Variants in NRXN1 observed in about 807,000 individuals in gnomAD.
The protein encoded by NRXN1 is neurexin-1.
NRXN1 carries 39 observed loss-of-function variants against 150.9 expected under a neutral mutation model. The observed-to-expected ratio is 0.26, with a 90% CI of 0.20 to 0.34. The LOEUF (loss-of-function observed/expected upper bound fraction) is 0.34, where lower values mean the gene tolerates loss of function less well. Ranked by LOEUF, NRXN1 falls within the 10% of genes least tolerant of loss-of-function variation. NRXN1 has a pLI of 1.00. For missense variants in NRXN1, 1,815 were observed against 1,949.9 expected (o/e 0.93, Z 1.30); for synonymous variants, 924 against 757.0 (o/e 1.22, Z -3.62).
At chr2:50,460,376 T>C (rs1271833398) in intron 17 of NRXN1, among the ~76,000 whole-genome samples, 1 of 152,130 alleles carries the variant, frequency 6.6e-6, no homozygotes, top group Non-Finnish European at 1.5e-5. Context: ...ACTAAAAGGC[T>C]GCTGAGAGTT....
At chr2:50,952,873 G>A (rs889593053) in intron 2 of NRXN1, among the ~76,000 whole-genome samples, 1 of 152,120 alleles carries the variant, frequency 6.6e-6, no homozygotes, top group Non-Finnish European at 1.5e-5. Flanking sequence ...TTAATTAAGT[G>A]GAAAAGTTTT....
At chr2:50,368,281 G>C (rs1206695444) in intron 17 of NRXN1, among the ~76,000 whole-genome samples, 1 of 151,766 alleles carries the variant, frequency 6.6e-6, no homozygotes, top group East Asian at 1.9e-4. Flanking sequence ...CTCCTTATGA[G>C]ACTCCCAAAT....
chr2:50,503,274 C>T (rs890165597), intron 13 of NRXN1, among the ~76,000 whole-genome samples: 1 of 150,180 alleles, frequency 6.7e-6, no homozygotes, highest in African/African-American at 2.5e-5. Flanking sequence ...CTCCACTGCA[C>T]TCTAACCTGG....
chr2:50,988,943 C>G (rs1234866412), intron 2 of NRXN1, among the ~76,000 whole-genome samples: 1 of 151,898 alleles, frequency 6.6e-6, no homozygotes, highest in Non-Finnish European at 1.5e-5. Flanking sequence ...TTTATGACAA[C>G]TTCTCTCCTT....
chr2:49,933,718 G>T (rs1385613231), intron 22 of NRXN1, among the ~76,000 whole-genome samples: 1 of 152,176 alleles, frequency 6.6e-6, no homozygotes, highest in African/African-American at 2.4e-5. Flanking sequence ...AGTATCTGAG[G>T]AGGATGAGGA....
At chr2:50,881,882 G>A (rs1174340312) in intron 5 of NRXN1, among the ~76,000 whole-genome samples, 3 of 151,686 alleles carry the variant, frequency 2.0e-5, no homozygotes, top group African/African-American at 7.3e-5. Context: ...GAGTTTGCCA[G>A]CTGAGAACAT....
intron 5 of NRXN1, among the ~76,000 whole-genome samples, chr2:50,695,308 T>G (rs918834014): frequency 6.6e-6 from 1 of 152,222 alleles, no homozygotes; most frequent in Non-Finnish European, 1.5e-5. Flanking sequence ...CAGACTCACA[T>G]GAATTAAAGA....
At chr2:50,159,345 A>T (rs538981676) in intron 18 of NRXN1, among the ~76,000 whole-genome samples, 1 of 152,282 alleles carries the variant, frequency 6.6e-6, no homozygotes, top group East Asian at 1.9e-4. Context: ...TTACAAAGAT[A>T]ATCTTTAGAT....
intron 21 of NRXN1, among the ~76,000 whole-genome samples, chr2:49,994,137 T>C (rs1682511762): frequency 6.6e-6 from 1 of 152,176 alleles, no homozygotes; most frequent in South Asian, 2.1e-4. Flanking sequence ...TGAAGCATAG[T>C]ACGGGGGTGC....
At chr2:50,345,491 G>A (rs2077878499) in intron 17 of NRXN1, among the ~76,000 whole-genome samples, 1 of 152,126 alleles carries the variant, frequency 6.6e-6, no homozygotes. Flanking sequence ...GAAAGAGGTG[G>A]AAAATGGATA....
rs146322551 is a variant in NRXN1 at position 50,154,244 on chromosome 2, C to A, written c.3547-62750G>T. Among the ~76,000 whole-genome samples the A allele has an allele frequency of 1.9e-3, 292 of 151,610 alleles. 3 individuals are homozygous for A. The highest frequency in any genetic ancestry group is 8.9e-3 in the South Asian group (43 of 4,818). On this transcript the variant is annotated intron_variant, in intron 18 of 22. Coordinates refer to ENST00000401669, the MANE Select transcript of NRXN1 (RefSeq NM_001330078.2). ...AAAGATCTGAATAAAAAAAAGACTA[C>A]GCATTGAGTACAATGTATACTGCTC... is the stretch of plus-strand genomic sequence containing the variant.
intron 2 of NRXN1, among the ~76,000 whole-genome samples, chr2:50,972,524 AT>A (rs893412662): frequency 1.3e-5 from 2 of 152,114 alleles, no homozygotes; most frequent in Non-Finnish European, 2.9e-5. Flanking sequence ...ATTCAAACAC[AT>A]TTATTTTGCA....
At chr2:50,536,638 A>C (rs1228415749) in intron 10 of NRXN1, among the ~76,000 whole-genome samples, 1 of 152,200 alleles carries the variant, frequency 6.6e-6, no homozygotes, top group African/African-American at 2.4e-5. Context: ...AACAACTGGC[A>C]GCTCTCTGGG....
chr2:50,501,862 G>A (rs2091966767), intron 13 of NRXN1, among the ~76,000 whole-genome samples: 1 of 152,250 alleles, frequency 6.6e-6, no homozygotes, highest in East Asian at 1.9e-4. Flanking sequence ...GTACTGCCCT[G>A]TGTTCAACAG....
rs1702842072 is a variant in NRXN1, at chr2:50,114,958, C to T, written c.3547-23464G>A. Among the ~76,000 whole-genome samples, 4 of 151,546 alleles carry T rather than the reference C, an allele frequency of 2.6e-5. No homozygotes were observed. In the South Asian group the frequency reaches 8.3e-4, roughly 31 times the overall value. On this transcript the variant is annotated intron_variant, in intron 18 of 22. Transcript: ENST00000401669. ...GTTAGTACTAGTCATTATACATTTG[C>T]CAAAACCCACAGAATGAACACCAGG...
intron 21 of NRXN1, chr2:50,019,250 TG>T (rs1427650663): frequency 2.1e-6 from 1 of 471,574 alleles, no homozygotes; most frequent in Non-Finnish European, 4.4e-6. Context: ...TTTTCTTATT[TG>T]GGTTTTGGCC....
At chr2:50,527,032 C>T (rs538158421) in intron 12 of NRXN1, among the ~76,000 whole-genome samples, 3 of 152,272 alleles carry the variant, frequency 2.0e-5, no homozygotes, top group African/African-American at 7.2e-5. Context: ...AATCACATGT[C>T]ATTTGAATAA....
intron 5 of NRXN1, among the ~76,000 whole-genome samples, chr2:50,754,631 T>C (rs951123546): frequency 4.0e-5 from 6 of 151,840 alleles, no homozygotes; most frequent in Admixed American, 3.9e-4. Context: ...TGGTTCTTTT[T>C]CAGAACTGAA....
chr2:50,048,205 C>A (rs746892688), intron 21 of NRXN1, among the ~76,000 whole-genome samples: 5 of 151,962 alleles, frequency 3.3e-5, no homozygotes, highest in Admixed American at 6.6e-5. Context: ...GGAGAACATG[C>A]CTTTGTATAT....
Sources: gnomAD v4.1 joint callset for allele counts (sites outside exome capture counted in the v4.1 genomes callset) on GRCh38, gnomAD v4.1.1 for gene constraint, MANE v1.5 for transcripts, NCBI Gene and HGNC (gene_info 2026-07-23, HGNC 2026-07-21) for gene names.